The following PTPRD variants were observed in gnomAD, a reference collection of about 807,000 sequenced individuals.
The protein encoded by PTPRD is receptor-type tyrosine-protein phosphatase delta.
In PTPRD, 34 loss-of-function variants were observed where a neutral mutation model predicts 214.5. That is an observed-to-expected ratio of 0.16 (90% CI 0.12 to 0.21). The LOEUF is 0.21. Among genes scored for constraint, PTPRD ranks in the 10% least tolerant of loss-of-function variants. The probability of loss-of-function intolerance (pLI) is 1.00; values close to 1 mark genes in which losing one functional copy is unlikely to be tolerated. For missense variants in PTPRD, 2,545 were observed against 2,398.7 expected, an observed-to-expected ratio of 1.06 and a Z score of -1.27; for synonymous variants, 1,128 against 845.7, an observed-to-expected ratio of 1.33 and a Z score of -5.79.
At chr9:8,848,035 C>T (rs910481689) in intron 11 of PTPRD, among the ~76,000 whole-genome samples, 1 of 151,704 alleles carries the variant, frequency 6.6e-6, no homozygotes, top group Non-Finnish European at 1.5e-5. Context: ...AAAATGGCAG[C>T]CTTTTTGATT....
intron 2 of PTPRD, among the ~76,000 whole-genome samples, chr9:10,357,759 T>C (rs1565511678): frequency 2.0e-5 from 3 of 152,186 alleles, no homozygotes; most frequent in South Asian, 2.1e-4. Context: ...ACAACGACTA[T>C]GCATAAAGTG....
At chr9:9,357,879 T>A (rs1440330948) in intron 9 of PTPRD, among the ~76,000 whole-genome samples, 1 of 151,174 alleles carries the variant, frequency 6.6e-6, no homozygotes, top group Non-Finnish European at 1.5e-5. Flanking sequence ...AGGTAACATC[T>A]TTACCTACCA....
intron 7 of PTPRD, among the ~76,000 whole-genome samples, chr9:9,734,000 A>G (rs1264309558): frequency 6.6e-6 from 1 of 152,200 alleles, no homozygotes; most frequent in South Asian, 2.1e-4. Context: ...CCTGTAATGC[A>G]TGTCCCAGGA....
chr9:10,340,738 T>C (rs2096923238), intron 3 of PTPRD, among the ~76,000 whole-genome samples: 1 of 151,858 alleles, frequency 6.6e-6, no homozygotes, highest in African/African-American at 2.4e-5. Context: ...TCATGAGCAA[T>C]ACTGTCAGAA....
intron 9 of PTPRD, among the ~76,000 whole-genome samples, chr9:9,352,510 G>A (rs962840371): frequency 9.2e-5 from 14 of 151,458 alleles, no homozygotes; most frequent in Non-Finnish European, 1.5e-4. Context: ...ATAACATTTT[G>A]CATTCTTTGG....
At chr9:8,383,240 C>G (rs565268503) in intron 37 of PTPRD, among the ~76,000 whole-genome samples, 4 of 152,300 alleles carry the variant, frequency 2.6e-5, no homozygotes, top group African/African-American at 9.6e-5. Context: ...GTGAATGTCT[C>G]CACCTCACCT....
intron 44 of PTPRD, among the ~76,000 whole-genome samples, chr9:8,329,107 G>A (rs1365471199): frequency 6.6e-6 from 1 of 152,058 alleles, no homozygotes; most frequent in Non-Finnish European, 1.5e-5. Flanking sequence ...AGGAGAAGAG[G>A]CGTGCTGGTT....
intron 12 of PTPRD, among the ~76,000 whole-genome samples, chr9:8,645,662 G>C (rs1230855824): frequency 6.6e-6 from 1 of 151,976 alleles, no homozygotes; most frequent in Non-Finnish European, 1.5e-5. Context: ...AAGAAGAAAG[G>C]GAAGGAAGAA....
intron 9 of PTPRD, among the ~76,000 whole-genome samples, chr9:9,273,562 G>A (rs1435613330): frequency 6.6e-6 from 1 of 151,246 alleles, no homozygotes; most frequent in Admixed American, 6.6e-5. Context: ...TAAAAACAGA[G>A]AACTGTGAAA....
intron 2 of PTPRD, among the ~76,000 whole-genome samples, chr9:10,568,437 G>T (rs531587126): frequency 6.4e-4 from 97 of 152,142 alleles, no homozygotes; most frequent in African/African-American, 2.3e-3. Context: ...ACGTGTGCAT[G>T]TGTCTTCATA....
intron 9 of PTPRD, among the ~76,000 whole-genome samples, chr9:9,301,514 G>T (rs746986905): frequency 6.6e-6 from 1 of 151,800 alleles, no homozygotes; most frequent in Non-Finnish European, 1.5e-5. Context: ...TTGTGGTACT[G>T]CATCAAGCTA....
chr9:9,462,905 A>G (rs1330079987), intron 8 of PTPRD, among the ~76,000 whole-genome samples: 2 of 152,152 alleles, frequency 1.3e-5, no homozygotes, highest in East Asian at 3.9e-4. Context: ...CAAAAAATGA[A>G]AGAATCATCA....
Position 9,309,230 on chromosome 9 carries a change from T to A in PTPRD, c.-203+88219A>T, listed in dbSNP as rs571523852. Among the ~76,000 whole-genome samples, 326 of 152,018 alleles carry A rather than the reference T, an allele frequency of 2.1e-3. 2 individuals are homozygous for A. The highest frequency in any genetic ancestry group is 7.4e-3 in the African/African-American group (306 of 41,510). ...AACTGTATGTTTTTGTTTTTTTTTT[T>A]AATTTTTCTTTGCTCTCCCCTATCT... On this transcript the variant is annotated intron_variant, in intron 9 of 45. Transcript: ENST00000381196.
At chr9:10,150,732 T>C (rs2099055336) in intron 3 of PTPRD, among the ~76,000 whole-genome samples, 1 of 150,180 alleles carries the variant, frequency 6.7e-6, no homozygotes, top group East Asian at 2.0e-4. Context: ...AATGGTGAAA[T>C]AAATCCTGAT....
At chr9:10,067,045 T>C (rs1000578777) in intron 3 of PTPRD, among the ~76,000 whole-genome samples, 1 of 151,912 alleles carries the variant, frequency 6.6e-6, no homozygotes, top group Non-Finnish European at 1.5e-5. Flanking sequence ...AACTTGGGCA[T>C]TTGGCCGTGC....
chr9:9,918,709 A>C (rs1013714266), intron 5 of PTPRD, among the ~76,000 whole-genome samples: 14 of 152,262 alleles, frequency 9.2e-5, no homozygotes, highest in African/African-American at 3.4e-4. Context: ...AAACAGAAAG[A>C]GACCAATAGA....
chr9:9,614,269 G>C (rs1453247014), intron 7 of PTPRD, among the ~76,000 whole-genome samples: 1 of 152,054 alleles, frequency 6.6e-6, no homozygotes, highest in Non-Finnish European at 1.5e-5. Flanking sequence ...CAAATACCAT[G>C]TCACTTTGCT....
At chr9:9,890,855 T>G (rs2073056626) in intron 5 of PTPRD, among the ~76,000 whole-genome samples, 1 of 152,170 alleles carries the variant, frequency 6.6e-6, no homozygotes, top group African/African-American at 2.4e-5. Context: ...CAGACACTCC[T>G]GAATCTCTTC....
At position 8,389,415 on chromosome 9, in the gene PTPRD, A is replaced by G. The variant is rs765188611; in HGVS notation, c.4211-8T>C. On this transcript the variant is annotated splice_polypyrimidine_tract_variant and splice_region_variant and intron_variant, in intron 36 of 45. Transcript: ENST00000381196. ...AGTCACTTCCTGGGATCCCTGGAAAACAAGGAGTGTTATTCAACCAGGTGA... is the reference window on the plus strand; with the variant it reads ...AGTCACTTCCTGGGATCCCTGGAAAGCAAGGAGTGTTATTCAACCAGGTGA... 5.0e-6 allele frequency: 8 copies of G among 1,603,514 alleles called. 1 individual carries two copies. The South Asian group carries it at 9.0e-5, about 18-fold the overall frequency.
Sources: allele counts gnomAD v4.1 joint callset (sites outside exome capture counted in the v4.1 genomes callset), GRCh38; gene constraint gnomAD v4.1.1; transcripts MANE v1.5; gene names NCBI Gene and HGNC (gene_info 2026-07-23, HGNC 2026-07-21).